The following PPFIBP1 variants were observed in gnomAD, a reference collection of about 807,000 sequenced individuals.
The protein encoded by PPFIBP1 is PPFIB scaffold protein 1, also known as liprin-beta-1.
In PPFIBP1, 112 loss-of-function variants were observed where a neutral mutation model predicts 137.8. That is an observed-to-expected ratio of 0.81 (90% CI 0.70 to 0.95). PPFIBP1 has a LOEUF of 0.95. PPFIBP1 is among the 40% of genes least tolerant of loss of function. The probability of loss-of-function intolerance (pLI) is 0.00; values close to 1 mark genes in which losing one functional copy is unlikely to be tolerated. For synonymous variants in PPFIBP1, 378 were observed against 417.3 expected (o/e 0.91, Z 1.15); for missense variants, 1,083 against 1,196.6 (o/e 0.91, Z 1.40).
At chr12:27,607,906 A>G (rs11049065) in intron 2 of PPFIBP1, among the ~76,000 whole-genome samples, 7,062 of 141,598 alleles carry the variant, frequency 0.05, 228 homozygotes, top group Non-Finnish European at 0.073. Context: ...TAATTTGAGA[A>G]CTATAAATCA....
chr12:27,667,460 G>A (rs1465920553), intron 13 of PPFIBP1, 140 bp downstream of exon 13: 4 of 730,044 alleles, frequency 5.5e-6, no homozygotes, highest in Non-Finnish European at 7.9e-6. Context: ...TAAATAAATT[G>A]ACTTTGGCCA....
intron 2 of PPFIBP1, chr12:27,592,660 G>A: frequency 1.3e-6 from 2 of 1,574,660 alleles, no homozygotes; most frequent in Non-Finnish European, 1.7e-6. Flanking sequence ...CTGTGTGTGG[G>A]AAGGAGTGTC....
chr12:27,672,579 C>T (rs769067877), intron 15 of PPFIBP1, 96 bp downstream of exon 15: 42 of 931,064 alleles, frequency 4.5e-5, no homozygotes, highest in Non-Finnish European at 6.0e-5. Flanking sequence ...AGCAAATGAC[C>T]GAGGCTGTTA....
At chr12:27,576,404 A>G (rs1325838116) in intron 1 of PPFIBP1, among the ~76,000 whole-genome samples, 1 of 151,958 alleles carries the variant, frequency 6.6e-6, no homozygotes, top group African/African-American at 2.4e-5. Context: ...TCTGCTGGAG[A>G]CCTTTGCTTA....
At chr12:27,532,524 A>T (rs796771703) in intron 1 of PPFIBP1, among the ~76,000 whole-genome samples, 38 of 152,104 alleles carry the variant, frequency 2.5e-4, no homozygotes, top group African/African-American at 9.2e-4. Flanking sequence ...AAAATATGTT[A>T]AAATTTTAAA....
chr12:27,560,659 T>G (rs2049082268), intron 1 of PPFIBP1, among the ~76,000 whole-genome samples: 1 of 152,184 alleles, frequency 6.6e-6, no homozygotes, highest in Non-Finnish European at 1.5e-5. Flanking sequence ...CCATACGAGT[T>G]GAGTATTATT....
chr12:27,649,238 A>C (rs2139588069), intron 6 of PPFIBP1, among the ~76,000 whole-genome samples: 1 of 152,020 alleles, frequency 6.6e-6, no homozygotes, highest in East Asian at 1.9e-4. Flanking sequence ...CTGTGTTTTT[A>C]TTTTTTCTTT....
rs535301271 is a variant in PPFIBP1 at position 27,654,109 on chromosome 12, C to T, written c.604-613C>T. Among the ~76,000 whole-genome samples, 493 of 152,276 alleles carry T rather than the reference C, an allele frequency of 3.2e-3. 7 individuals are homozygous for T. The highest frequency in any genetic ancestry group is 5.0e-3 in the Non-Finnish European group (340 of 68,014). ...GTCCTCAAAATTAAAACTGATTTGA[C>T]TATTCTCATGTTCCTGTTATTCACT... On this transcript the variant is annotated intron_variant, in intron 7 of 29. Transcript: ENST00000228425.
chr12:27,644,071 A>T (rs1449767643), intron 4 of PPFIBP1, among the ~76,000 whole-genome samples: 5 of 151,732 alleles, frequency 3.3e-5, no homozygotes, highest in Middle Eastern at 3.4e-3. Context: ...CAGAAGAAAG[A>T]TCAGTTTGTT....
intron 1 of PPFIBP1, among the ~76,000 whole-genome samples, chr12:27,570,922 TAAAAATAA>T (rs1008449709): frequency 2.9e-5 from 4 of 138,616 alleles, no homozygotes; most frequent in African/African-American, 1.0e-4. Context: ...AAGAAAAAAA[TAAAAATAA>T]AAAAATAAAA....
intron 2 of PPFIBP1, among the ~76,000 whole-genome samples, chr12:27,613,900 G>A (rs2035633240): frequency 6.6e-6 from 1 of 151,976 alleles, no homozygotes; most frequent in Non-Finnish European, 1.5e-5. Context: ...CATCGTTTGG[G>A]AAGACAATGA....
chr12:27,677,476 TC>T, intron 19 of PPFIBP1: 1 of 227,504 alleles, frequency 4.4e-6, no homozygotes, highest in Non-Finnish European at 8.7e-6. Flanking sequence ...TGCTTACATT[TC>T]CCCCAGCCTC....
At chr12:27,543,616 G>A (rs1001117496) in intron 1 of PPFIBP1, among the ~76,000 whole-genome samples, 3 of 151,970 alleles carry the variant, frequency 2.0e-5, no homozygotes, top group African/African-American at 4.8e-5. Flanking sequence ...TATAATTCAC[G>A]CCATGTATAT....
intron 19 of PPFIBP1, among the ~76,000 whole-genome samples, chr12:27,678,177 T>A (rs2060642200): frequency 6.6e-6 from 1 of 152,322 alleles, no homozygotes. Flanking sequence ...TACTTTCTTT[T>A]ATAAAGTATA....
At chr12:27,529,277 T>C (rs760479374) in intron 1 of PPFIBP1, among the ~76,000 whole-genome samples, 1 of 152,228 alleles carries the variant, frequency 6.6e-6, no homozygotes, top group Non-Finnish European at 1.5e-5. Context: ...TCATTTGACA[T>C]GAAAAGACAA....
intron 8 of PPFIBP1, chr12:27,655,290 T>G: frequency 8.2e-7 from 1 of 1,215,370 alleles, no homozygotes. Context: ...TGGCTTGTGT[T>G]GTTTTGCTGT....
chr12:27,594,363 A>G (rs1336202879), intron 2 of PPFIBP1, among the ~76,000 whole-genome samples: 2 of 151,996 alleles, frequency 1.3e-5, no homozygotes, highest in African/African-American at 4.8e-5. Flanking sequence ...TTTTTAGTGG[A>G]GATGGGGTTT....
chr12:27,588,379 C>G (rs1466366870), intron 2 of PPFIBP1, among the ~76,000 whole-genome samples: 1 of 152,134 alleles, frequency 6.6e-6, no homozygotes. Flanking sequence ...TTGCTGGTTG[C>G]AATATGGTAC....
chr12:27,572,958 A>G (rs914071840), intron 1 of PPFIBP1, among the ~76,000 whole-genome samples: 2 of 152,150 alleles, frequency 1.3e-5, no homozygotes, highest in Non-Finnish European at 2.9e-5. Context: ...TTTTCTAACA[A>G]TCCCACAAAG....
Sources: gnomAD v4.1 joint callset for allele counts (sites outside exome capture counted in the v4.1 genomes callset) on GRCh38, gnomAD v4.1.1 for gene constraint, MANE v1.5 for transcripts, NCBI Gene and HGNC (gene_info 2026-07-23, HGNC 2026-07-21) for gene names.